Variants in CCDC138 observed in about 807,000 individuals in gnomAD.
CCDC138 encodes coiled-coil domain containing 138.
CCDC138 carries 66 observed loss-of-function variants against 82.3 expected under a neutral mutation model. That is an observed-to-expected ratio of 0.80 (90% CI 0.66 to 0.98). The LOEUF is 0.98. CCDC138 is among the 50% of genes least tolerant of loss of function. The probability of loss-of-function intolerance (pLI) is 0.00; values close to 1 mark genes in which losing one functional copy is unlikely to be tolerated. For missense variants in CCDC138, 816 were observed against 758.9 expected, an observed-to-expected ratio of 1.08 and a Z score of -0.88; for synonymous variants, 297 against 265.4, an observed-to-expected ratio of 1.12 and a Z score of -1.16.
chr2:108,872,123 G>A (rs773059291), intron 13 of CCDC138, among the ~76,000 whole-genome samples: 3 of 152,024 alleles, frequency 2.0e-5, no homozygotes, highest in Non-Finnish European at 2.9e-5. Flanking sequence ...TTTTGCTTTT[G>A]TTCAGAACTT....
intron 13 of CCDC138, among the ~76,000 whole-genome samples, chr2:108,866,743 C>T (rs969296587): frequency 6.6e-6 from 1 of 151,970 alleles, no homozygotes; most frequent in Non-Finnish European, 1.5e-5. Flanking sequence ...ATTAGCTGGA[C>T]GCGGTGACGG....
At chr2:108,813,261 A>C (rs1574029705) in intron 9 of CCDC138, among the ~76,000 whole-genome samples, 2 of 150,376 alleles carry the variant, frequency 1.3e-5, no homozygotes, top group East Asian at 3.9e-4. Context: ...AAAAAAAAAA[A>C]AAAAAAAAAA....
intron 7 of CCDC138, among the ~76,000 whole-genome samples, chr2:108,810,875 T>C (rs1034635226): frequency 1.3e-5 from 2 of 152,218 alleles, no homozygotes; most frequent in Non-Finnish European, 2.9e-5. Context: ...ATGATTGGTC[T>C]GTTCTAGTTT....
intron 12 of CCDC138, among the ~76,000 whole-genome samples, chr2:108,849,563 C>T (rs1256950619): frequency 6.6e-6 from 1 of 152,156 alleles, no homozygotes; most frequent in Non-Finnish European, 1.5e-5. Context: ...CCTTCACTCT[C>T]TAGTCTCCCT....
At chr2:108,836,888 C>A (rs548270067) in intron 10 of CCDC138, among the ~76,000 whole-genome samples, 1 of 150,798 alleles carries the variant, frequency 6.6e-6, no homozygotes, top group South Asian at 2.1e-4. Context: ...TATGGAAACA[C>A]AAGTGATTTT....
chr2:108,867,627 G>A (rs567745345), intron 13 of CCDC138, among the ~76,000 whole-genome samples: 1 of 152,120 alleles, frequency 6.6e-6, no homozygotes, highest in East Asian at 1.9e-4. Context: ...AGGAATGAGG[G>A]TGGACTTGAA....
At chr2:108,832,336 A>ATTTC (rs1475752997) in intron 10 of CCDC138, among the ~76,000 whole-genome samples, 1 of 127,750 alleles carries the variant, frequency 7.8e-6, no homozygotes, top group African/African-American at 3.0e-5. Context: ...CAGAATTTGT[A>ATTTC]TTTCTTTCTT....
intron 7 of CCDC138, among the ~76,000 whole-genome samples, chr2:108,806,368 T>C (rs1221082702): frequency 6.6e-6 from 1 of 152,152 alleles, no homozygotes; most frequent in Non-Finnish European, 1.5e-5. Context: ...GTTGCATGAG[T>C]GTGTGGTAAT....
Position 108,822,454 on chromosome 2 carries a change from T to A in CCDC138, c.1206+6349T>A, listed in dbSNP as rs187335070. The stretch of plus-strand genomic sequence containing the variant: ...AACAACATAATAAATTAACTCGATC[T>A]GTCAGACATATACAGAACACTCTAC... On this transcript the variant is annotated intron_variant, in intron 10 of 14. Coordinates refer to ENST00000295124, the MANE Select transcript of CCDC138 (RefSeq NM_144978.3). Among the ~76,000 whole-genome samples, 5 of 152,324 alleles carry A rather than the reference T, an allele frequency of 3.3e-5. No individual in the cohort carries two copies. In the East Asian group the frequency reaches 9.6e-4, roughly 29 times the overall value.
chr2:108,788,950 C>A lies in CCDC138; in HGVS notation c.250C>A (p.His84Asn). The A allele has an allele frequency of 6.2e-7, 1 of 1,613,990 alleles. No individual in the cohort carries two copies. The highest frequency in any genetic ancestry group is 8.5e-7 in the Non-Finnish European group (1 of 1,179,940). Reference protein sequence around the residue: ...CRTPLGSLFKHVNVNCLDDEL... With the variant: ...CRTPLGSLFKNVNVNCLDDEL... ...AACACCATTGGGCAGCTTATTCAAGCACGTAAATGTGAATTGGTAAAGTAC... is the reference window on the plus strand; with the variant it reads ...AACACCATTGGGCAGCTTATTCAAGAACGTAAATGTGAATTGGTAAAGTAC... Residue 84 changes from histidine (H) to asparagine (N), a missense_variant, in exon 3 of 15, where the codon CAC (histidine) becomes AAC (asparagine). By Grantham distance (68) the His-to-Asn change is moderately conservative. Coordinates refer to ENST00000295124, the MANE Select transcript of CCDC138 (RefSeq NM_144978.3).
Position 108,839,290 on chromosome 2 carries a change from G to T in CCDC138, c.1312G>T (p.Ala438Ser). Residue 438 changes from alanine to serine, a missense_variant, in exon 11 of 15, where the codon GCT becomes TCT. Ala to Ser is a moderately conservative substitution (Grantham distance 99). Coordinates refer to ENST00000295124, the MANE Select transcript of CCDC138 (RefSeq NM_144978.3). ...FIYWSLRQLD[A>S]GAQHSTMTST... ...ATATTGGTCCCTAAGGCAGCTAGAT[G>T]CTGGAGCACAGGTAATTGGTTAATA... The T allele has an allele frequency of 6.2e-7, 1 of 1,610,640 alleles. No homozygotes were observed. Among genetic ancestry groups the T allele is most frequent in the Non-Finnish European group, 8.5e-7 (1 of 1,178,580 alleles).
At chr2:108,819,464 G>T (rs1233025495) in intron 10 of CCDC138, among the ~76,000 whole-genome samples, 1 of 152,202 alleles carries the variant, frequency 6.6e-6, no homozygotes, top group Non-Finnish European at 1.5e-5. Flanking sequence ...TTTGGAAGCT[G>T]CAGGAAACAG....
intron 13 of CCDC138, among the ~76,000 whole-genome samples, chr2:108,869,879 A>G (rs989988497): frequency 4.6e-5 from 7 of 152,206 alleles, no homozygotes; most frequent in African/African-American, 1.7e-4. Context: ...TCAGCAAAAA[A>G]AATCGTAGAA....
intron 5 of CCDC138, 32 bp downstream of exon 5, chr2:108,794,753 A>AG: frequency 6.7e-7 from 1 of 1,485,156 alleles, no homozygotes; most frequent in South Asian, 1.2e-5. Context: ...GAGAATTCAG[A>AG]AATATTTATG....
downstream of CCDC138, among the ~76,000 whole-genome samples, chr2:108,881,450 G>A (rs969320771): frequency 2.6e-5 from 4 of 152,224 alleles, no homozygotes; most frequent in African/African-American, 9.6e-5. Flanking sequence ...TAAGGCTGCT[G>A]TGTTTTCTTA....
At chr2:108,806,325 A>G (rs1367943883) in intron 7 of CCDC138, among the ~76,000 whole-genome samples, 1 of 152,210 alleles carries the variant, frequency 6.6e-6, no homozygotes, top group Non-Finnish European at 1.5e-5. Flanking sequence ...CCTATCTCTT[A>G]GGTTTCTGTA....
chr2:108,794,622 C>T lies in CCDC138; in HGVS notation c.477C>T (p.Val159=). 2.5e-6 allele frequency: 4 copies of T among 1,613,986 alleles called. No individual in the cohort carries two copies. The highest frequency in any genetic ancestry group is 3.4e-6 in the Non-Finnish European group (4 of 1,179,934). The change falls in exon 5 of 15, where the codon GTC becomes GTT. Residue 159 remains valine (V), a synonymous_variant. Transcript: ENST00000295124. ...CAGGTGACTCTCCTTTGAAACCTGT[C>T]AGCTGTCCAAAATCTAAAGCATCAG... The part of the protein sequence containing the change: ...SDAGDSPLKP[V]SCPKSKASDK...
At chr2:108,830,335 A>T (rs1192740524) in intron 10 of CCDC138, among the ~76,000 whole-genome samples, 1 of 152,202 alleles carries the variant, frequency 6.6e-6, no homozygotes, top group Non-Finnish European at 1.5e-5. Context: ...ATGGATAGTG[A>T]TGATGGTTAC....
intron 4 of CCDC138, among the ~76,000 whole-genome samples, chr2:108,792,310 C>T (rs578211292): frequency 6.6e-6 from 1 of 152,290 alleles, no homozygotes; most frequent in South Asian, 2.1e-4. Flanking sequence ...TTCCTCTTTT[C>T]CCTCTCCTTT....
Sources: gnomAD v4.1 joint callset for allele counts (sites outside exome capture counted in the v4.1 genomes callset) on GRCh38, gnomAD v4.1.1 for gene constraint, MANE v1.5 for transcripts, NCBI Gene and HGNC (gene_info 2026-07-23, HGNC 2026-07-21) for gene names.